The following ABLIM1 variants were observed in gnomAD, a reference collection of about 807,000 sequenced individuals.
The protein encoded by ABLIM1 is actin-binding LIM protein 1.
A neutral mutation model predicts 107.0 loss-of-function variants in ABLIM1; 40 were observed. The observed-to-expected ratio is 0.37, with a 90% CI of 0.29 to 0.49. ABLIM1 has a LOEUF of 0.49. Among genes scored for constraint, ABLIM1 ranks in the 20% least tolerant of loss-of-function variants. The probability of loss-of-function intolerance (pLI) is 0.97; values close to 1 mark genes in which losing one functional copy is unlikely to be tolerated. For missense variants in ABLIM1, 857 were observed against 1,008.5 expected, an observed-to-expected ratio of 0.85 and a Z score of 2.04; for synonymous variants, 357 against 357.3, an observed-to-expected ratio of 1.00 and a Z score of 0.01.
intron 1 of ABLIM1, among the ~76,000 whole-genome samples, chr10:114,618,707 C>T (rs1222225096): frequency 6.6e-6 from 1 of 152,256 alleles, no homozygotes; most frequent in Non-Finnish European, 1.5e-5. Flanking sequence ...CCAATCTCGT[C>T]TCCAATGCTG....
chr10:114,763,680 A>C (rs1225543972), intron 1 of ABLIM1, among the ~76,000 whole-genome samples: 2 of 152,192 alleles, frequency 1.3e-5, no homozygotes, highest in Non-Finnish European at 2.9e-5. Flanking sequence ...CACTGCACCC[A>C]ACCTGATTTT....
intron 10 of ABLIM1, among the ~76,000 whole-genome samples, chr10:114,469,170 C>T (rs2065939562): frequency 6.6e-6 from 1 of 151,550 alleles, no homozygotes; most frequent in South Asian, 2.1e-4. Context: ...GCTCATTTTA[C>T]TATGATGAGT....
Position 114,437,284 on chromosome 10 carries a change from G to T in ABLIM1, c.2223+560C>A, listed in dbSNP as rs7907877. Reference sequence around the variant, plus strand: ...AAGAAAATGACTGAAATCATTCTGTGTCTCCTGGGTCATTCTTTTTTTCTT... The same window carrying T: ...AAGAAAATGACTGAAATCATTCTGTTTCTCCTGGGTCATTCTTTTTTTCTT... On this transcript the variant is annotated intron_variant, in intron 22 of 22. Transcript: ENST00000533213. 4.5e-3 allele frequency among the ~76,000 whole-genome samples: 675 copies of T among 151,154 alleles called. 3 individuals are homozygous for T. The highest frequency in any genetic ancestry group is 0.016 in the African/African-American group (655 of 41,226).
the ABLIM1 span, among the ~76,000 whole-genome samples, chr10:114,797,321 T>A: frequency 6.6e-6 from 1 of 151,962 alleles, no homozygotes; most frequent in East Asian, 1.9e-4. Context: ...AAAAACCTTA[T>A]TTCTGATTGA....
In ABLIM1 at chr10:114,601,255, CTCTT is replaced by C. The variant is rs538902804; in HGVS notation, c.379+568_379+571del. Reference sequence around the variant, plus strand: ...AAACCACAGAACTGTATTTTTACTGCTCTTTCTTTCTTTTTTTTTTTTTTTTAAG... The same window carrying C: ...AAACCACAGAACTGTATTTTTACTGCTCTTTCTTTTTTTTTTTTTTTTAAG... On this transcript the variant is annotated intron_variant, in intron 2 of 22. Transcript: ENST00000533213. Among the ~76,000 whole-genome samples the C allele has an allele frequency of 3.3e-3, 499 of 151,280 alleles. 5 individuals are homozygous for C. Among genetic ancestry groups the C allele is most frequent in the Non-Finnish European group, 4.9e-3 (333 of 67,808 alleles).
At chr10:114,483,467 G>A (rs928644308) in intron 8 of ABLIM1, among the ~76,000 whole-genome samples, 1 of 151,984 alleles carries the variant, frequency 6.6e-6, no homozygotes, top group Non-Finnish European at 1.5e-5. Flanking sequence ...GGTACATATG[G>A]GGTTTTGCCA....
intron 12 of ABLIM1, among the ~76,000 whole-genome samples, chr10:114,459,971 T>C (rs1458996909): frequency 6.6e-6 from 1 of 152,234 alleles, no homozygotes; most frequent in Admixed American, 6.5e-5. Flanking sequence ...CCATTTAATA[T>C]TTCTATGGAA....
chr10:114,539,199 A>G (rs1203918638), intron 6 of ABLIM1, among the ~76,000 whole-genome samples: 1 of 152,178 alleles, frequency 6.6e-6, no homozygotes, highest in East Asian at 1.9e-4. Context: ...CTCTACTAAA[A>G]ATACAAAAAT....
intron 1 of ABLIM1, among the ~76,000 whole-genome samples, chr10:114,733,023 T>C (rs1166563585): frequency 6.6e-6 from 1 of 152,238 alleles, no homozygotes; most frequent in Non-Finnish European, 1.5e-5. Flanking sequence ...CTGGAATCAC[T>C]GATTCCATAT....
At chr10:114,720,710 C>T (rs1199737857) in intron 1 of ABLIM1, among the ~76,000 whole-genome samples, 1 of 151,296 alleles carries the variant, frequency 6.6e-6, no homozygotes, top group Admixed American at 6.6e-5. Flanking sequence ...AGTAACAAGA[C>T]AGGGAAAAAT....
chr10:114,462,594 C>T (rs1368045079), intron 12 of ABLIM1, among the ~76,000 whole-genome samples: 1 of 152,100 alleles, frequency 6.6e-6, no homozygotes, highest in African/African-American at 2.4e-5. Context: ...GCTGCCCAAA[C>T]ATGTTAATAT....
At chr10:114,777,034 G>T in the ABLIM1 span, among the ~76,000 whole-genome samples, 1 of 151,798 alleles carries the variant, frequency 6.6e-6, no homozygotes, top group African/African-American at 2.4e-5. Context: ...TATTTTTTCT[G>T]CCCCGTTCTC....
Position 114,714,967 on chromosome 10 carries a change from C to T in ABLIM1, c.-213+53094G>A, listed in dbSNP as rs2081629724. On this transcript the variant is annotated intron_variant, in intron 1 of 15. Coordinates refer to the ABLIM1 transcript ENST00000651092. ...TATTATGCCATGAAGGCAAGAGTGA[C>T]TCCAATGTCAACTTCTAAGCACTCT... 2.0e-5 allele frequency among the ~76,000 whole-genome samples: 3 copies of T among 152,006 alleles called. No homozygotes were observed. The South Asian group carries it at 6.2e-4, about 32-fold the overall frequency.
At chr10:114,642,349 G>A (rs2483519) in intron 1 of ABLIM1, among the ~76,000 whole-genome samples, 110,094 of 152,028 alleles carry the variant, frequency 0.72, 40,141 homozygotes, top group African/African-American at 0.83. Flanking sequence ...GGATGAAATG[G>A]TGACACAACA....
In ABLIM1 at chr10:114,549,425, A is replaced by C. The variant is rs1397270803; in HGVS notation, c.674-1649T>G. Among the ~76,000 whole-genome samples, 3 of 152,284 alleles carry C rather than the reference A, an allele frequency of 2.0e-5. No individual in the cohort carries two copies. In the East Asian group the frequency reaches 5.8e-4, roughly 29 times the overall value. The stretch of plus-strand genomic sequence containing the variant: ...AAATAAATAAATAAAATTACCCAGC[A>C]TAAGCCCAAATGCTGTGAAAACTCC... On this transcript the variant is annotated intron_variant, in intron 4 of 22. Transcript: ENST00000533213.
chr10:114,695,151 C>A (rs1278628178), intron 1 of ABLIM1, among the ~76,000 whole-genome samples: 1 of 152,196 alleles, frequency 6.6e-6, no homozygotes, highest in Admixed American at 6.5e-5. Flanking sequence ...ACACTGCTTT[C>A]CATTAGCTAA....
chr10:114,436,749 TCCCTGGGGAGCCCCAGGGCTTCC>T (rs2059455578), intron 22 of ABLIM1, among the ~76,000 whole-genome samples: 1 of 152,022 alleles, frequency 6.6e-6, no homozygotes. Context: ...TCCAGCGTGG[TCCCTGGGGAGCCCCAGGGCTTCC>T]TCCTGGCTGA....
At chr10:114,649,038 T>C (rs1250882348) in intron 1 of ABLIM1, among the ~76,000 whole-genome samples, 1 of 152,296 alleles carries the variant, frequency 6.6e-6, no homozygotes, top group African/African-American at 2.4e-5. Flanking sequence ...CACTACCCTC[T>C]GATTATACCA....
chr10:114,726,344 G>C (rs2081958640), intron 1 of ABLIM1, among the ~76,000 whole-genome samples: 1 of 152,118 alleles, frequency 6.6e-6, no homozygotes, highest in Non-Finnish European at 1.5e-5. Context: ...AAAAATATTA[G>C]TTGGCCCACG....
Sources: gnomAD v4.1 joint callset for allele counts (sites outside exome capture counted in the v4.1 genomes callset) on GRCh38, gnomAD v4.1.1 for gene constraint, MANE v1.5 for transcripts, NCBI Gene and HGNC (gene_info 2026-07-23, HGNC 2026-07-21) for gene names.